KANK3: variants seen among roughly 807,000 people sequenced by gnomAD.
The protein encoded by KANK3 is KN motif and ankyrin repeat domain-containing protein 3.
A neutral mutation model predicts 65.4 loss-of-function variants in KANK3; 61 were observed. The ratio of observed to expected loss-of-function variants is 0.93; its 90% CI spans 0.76 to 1.15. KANK3 has a LOEUF of 1.15. Ranked by LOEUF, KANK3 falls within the 50% of genes most tolerant of loss-of-function variation. KANK3 has a pLI of 0.00. For synonymous variants in KANK3, 586 were observed against 543.3 expected, an observed-to-expected ratio of 1.08 and a Z score of -1.09; for missense variants, 1,187 against 1,178.8, an observed-to-expected ratio of 1.01 and a Z score of -0.10.
At position 8,324,701 on chromosome 19, in the gene KANK3, C is replaced by T. The variant is rs748238931; in HGVS notation, c.2212G>A (p.Glu738Lys). 2 of 1,614,044 alleles carry T rather than the reference C, an allele frequency of 1.2e-6. No homozygotes were observed. Among genetic ancestry groups the T allele is most frequent in the South Asian group, 1.1e-5 (1 of 91,088 alleles). ...CGCACGGTGTCCAGGCGCCCATACTCACTGGCACACATCAGCGCTGTGGCC... is the reference window on the plus strand; with the variant it reads ...CGCACGGTGTCCAGGCGCCCATACTTACTGGCACACATCAGCGCTGTGGCC... ...DGATALMCAS[E>K]YGRLDTVRLL... The change falls in exon 9 of 11, where the codon GAG (glutamate) becomes AAG (lysine). Residue 738 changes from glutamate (E) to lysine (K), a missense_variant. Glu to Lys is a moderately conservative substitution (Grantham distance 56). This residue lies in a region of KANK3 where 1,078 missense variants were observed against 1,038.2 expected (regional missense o/e 1.04). Transcript: ENST00000330915.
chr19:8,338,651 G>A (rs62117475), intron 1 of KANK3, among the ~76,000 whole-genome samples: 24,217 of 151,600 alleles, frequency 0.16, 2,188 homozygotes, highest in Non-Finnish European at 0.21. Flanking sequence ...CGAGGAGGGC[G>A]GATCATGAGG....
chr19:8,334,650 C>T lies in KANK3; in HGVS notation c.1177G>A (p.Ala393Thr), dbSNP rs746817461. ...GTGGCCTCGCGTAGCTGGGCCCGGG[C>T]CCCCGCCGCTGCCTCCTCCGCAGCC... is the stretch of plus-strand genomic sequence containing the variant. The part of the protein sequence containing the change: ...REAAEEAAAG[A>T]RAQLREATTQ... Residue 393 changes from alanine (A) to threonine (T), a missense_variant, in exon 3 of 11, where the codon GCC becomes ACC. Physicochemically the swap from Ala to Thr is moderately conservative, Grantham distance 58 (BLOSUM62 0). Transcript: ENST00000330915. 125 of 1,539,432 alleles carry T rather than the reference C, an allele frequency of 8.1e-5. No individual in the cohort carries two copies. Among genetic ancestry groups the T allele is most frequent in the Non-Finnish European group, 1.1e-4 (123 of 1,149,532 alleles).
In KANK3 at chr19:8,334,934, G is replaced by A; in HGVS notation, c.893C>T (p.Pro298Leu). 6.7e-7 allele frequency: 1 copy of A among 1,483,446 alleles called. No homozygotes were observed. Among genetic ancestry groups the A allele is most frequent in the Non-Finnish European group, 8.9e-7 (1 of 1,126,716 alleles). The allele number at this position is 1,483,446 out of a possible 1,614,324, so 91.9% of individuals were successfully genotyped here. The change falls in exon 3 of 11, where the codon CCC becomes CTC. Residue 298 changes from proline (P) to leucine (L), a missense_variant. This residue lies in a region of KANK3 where 1,078 missense variants were observed against 1,038.2 expected (regional missense o/e 1.04). Coordinates refer to ENST00000330915, the MANE Select transcript of KANK3 (RefSeq NM_198471.3). ...DGEVGSLDGT[P>L]QTREVAAEAV... is the part of the protein sequence containing the mutation. ...CTCGGCGGCCACCTCCCGGGTCTGG[G>A]GCGTCCCATCGAGACTCCCGACCTC... is the stretch of plus-strand genomic sequence containing the variant.
chr19:8,332,816 A>AAAAATAAAATAAAAT (rs71175837), intron 7 of KANK3, 198 bp downstream of exon 7: 15 of 240,084 alleles, frequency 6.2e-5, no homozygotes, highest in African/African-American at 3.6e-4. Flanking sequence ...ACTCCGTCTC[A>AAAAATAAAATAAAAT]AAAATAAAAT....
chr19:8,342,921 G>A (rs909588266), intron 1 of KANK3, among the ~76,000 whole-genome samples: 1 of 152,118 alleles, frequency 6.6e-6, no homozygotes. Context: ...GGGTCCCCAG[G>A]CCGTCCCGGG....
At chr19:8,340,188 G>T (rs1970705395) in intron 1 of KANK3, among the ~76,000 whole-genome samples, 1 of 139,194 alleles carries the variant, frequency 7.2e-6, no homozygotes, top group African/African-American at 2.7e-5. Context: ...CTTGAACCTG[G>T]GAGGCAGAGG....
At chr19:8,325,169 A>C in intron 7 of KANK3, 73 bp from the exon 8 acceptor site, 1 of 1,493,160 alleles carries the variant, frequency 6.7e-7, no homozygotes, top group African/African-American at 1.4e-5. Flanking sequence ...ACCTCCCTGC[A>C]AGCCTCGGGC....
At position 8,322,722 on chromosome 19, in the gene KANK3, C is replaced by T. The variant is rs982096337; in HGVS notation, c.*117G>A. The T allele has an allele frequency of 4.0e-6, 3 of 756,416 alleles. No individual in the cohort carries two copies. The highest frequency in any genetic ancestry group is 2.9e-5 in the Admixed American group (1 of 34,656). The allele number at this position is 756,416 out of a possible 1,614,324, so 46.9% of individuals were successfully genotyped here. On this transcript the variant is annotated 3_prime_UTR_variant, in exon 11 of 11. Coordinates refer to ENST00000330915, the MANE Select transcript of KANK3 (RefSeq NM_198471.3). ...TCACCCCAACTGAAATTGCCTTTCT[C>T]TTCGGCCAGTGTTAGCCTCTGAGCA...
intron 7 of KANK3, among the ~76,000 whole-genome samples, chr19:8,328,529 G>A (rs1181584557): frequency 4.6e-5 from 7 of 151,946 alleles, no homozygotes; most frequent in East Asian, 1.9e-4. Context: ...AGGTAGGGTC[G>A]GGTGAGAGAG....
chr19:8,331,369 C>T (rs1391101762), intron 7 of KANK3, among the ~76,000 whole-genome samples: 1 of 107,188 alleles, frequency 9.3e-6, no homozygotes, highest in African/African-American at 3.1e-5. Context: ...TCACTGTCCC[C>T]TGTCTCCTAC....
At chr19:8,332,816 AAAAATAAAATAAAAT>A (rs71175837) in intron 7 of KANK3, 183 bp downstream of exon 7, 185 of 240,080 alleles carry the variant, frequency 7.7e-4, no homozygotes, top group Non-Finnish European at 8.1e-4. Context: ...ACTCCGTCTC[AAAAATAAAATAAAAT>A]AAAATAAAAT....
At position 8,334,977 on chromosome 19, in the gene KANK3, G is replaced by A; in HGVS notation, c.850C>T (p.Leu284Phe). The change falls in exon 3 of 11, where the codon CTC becomes TTC. Residue 284 changes from leucine to phenylalanine, a missense_variant. Physicochemically the swap from Leu to Phe is conservative, Grantham distance 22 (BLOSUM62 0). Transcript: ENST00000330915. ...CCGACCTCCCCGTCGAGGACCTGGA[G>A]CGCGCCCTCGCTGCGCCCTGCAGCC... is the stretch of plus-strand genomic sequence containing the variant. ...GLAAGRSEGA[L>F]QVLDGEVGSL... is the part of the protein sequence containing the mutation. The A allele has an allele frequency of 6.7e-7, 1 of 1,493,298 alleles. No individual in the cohort carries two copies. Among genetic ancestry groups the A allele is most frequent in the Non-Finnish European group, 8.8e-7 (1 of 1,131,564 alleles). The allele number at this position is 1,493,298 out of a possible 1,614,324, so 92.5% of individuals were successfully genotyped here.
At chr19:8,337,000 C>T (rs1242683519) in intron 2 of KANK3, among the ~76,000 whole-genome samples, 1 of 151,384 alleles carries the variant, frequency 6.6e-6, no homozygotes, top group Non-Finnish European at 1.5e-5. Context: ...AGTCCACTTG[C>T]GATTAGTGCC....
chr19:8,337,931 G>A, intron 1 of KANK3, 75 bp from the exon 2 acceptor site: 2 of 1,543,220 alleles, frequency 1.3e-6, no homozygotes, highest in Admixed American at 1.8e-5. Context: ...TTGAGTCTAA[G>A]CAAACAGGAC....
intron 1 of KANK3, among the ~76,000 whole-genome samples, chr19:8,339,875 T>C (rs1252783614): frequency 6.9e-6 from 1 of 144,372 alleles, no homozygotes; most frequent in Non-Finnish European, 1.5e-5. Flanking sequence ...GAGGCAGGAG[T>C]ATCTCTTGAG....
intron 7 of KANK3, among the ~76,000 whole-genome samples, chr19:8,332,430 G>A (rs1970542233): frequency 1.3e-5 from 2 of 151,254 alleles, no homozygotes; most frequent in African/African-American, 2.4e-5. Context: ...TGCCCACCTC[G>A]GCCTCCCAAA....
intron 7 of KANK3, among the ~76,000 whole-genome samples, chr19:8,328,886 T>C (rs978944672): frequency 3.9e-5 from 6 of 151,902 alleles, no homozygotes; most frequent in African/African-American, 7.3e-5. Context: ...AATTGACAAG[T>C]GGGCCGAGCG....
intron 7 of KANK3, among the ~76,000 whole-genome samples, chr19:8,328,509 T>G (rs982823432): frequency 1.3e-5 from 2 of 151,632 alleles, no homozygotes; most frequent in African/African-American, 4.8e-5. Flanking sequence ...TGTGGGTTTG[T>G]CAGGCAGGCA....
Position 8,334,303 on chromosome 19 carries a change from A to C in KANK3, c.1427+17T>G. The C allele has an allele frequency of 6.2e-7, 1 of 1,613,524 alleles. No individual in the cohort carries two copies. Among genetic ancestry groups the C allele is most frequent in the Non-Finnish European group, 8.5e-7 (1 of 1,179,738 alleles). ...ATGTCCCGGCAGAAGCTGCCACAGG[A>C]GGGGAAAGGCGCTCACTCTCCGTTG... is the stretch of plus-strand genomic sequence containing the variant. On this transcript the variant is annotated intron_variant, in intron 4 of 10. Coordinates refer to ENST00000330915, the MANE Select transcript of KANK3 (RefSeq NM_198471.3).
Sources: allele counts gnomAD v4.1 joint callset (sites outside exome capture counted in the v4.1 genomes callset), GRCh38; gene constraint gnomAD v4.1.1; regional missense constraint gnomAD v4.1.1; transcripts MANE v1.5; gene names NCBI Gene and HGNC (gene_info 2026-07-23, HGNC 2026-07-21).